The following BMAL1 variants were observed in gnomAD, a reference collection of about 807,000 sequenced individuals.
BMAL1 encodes the protein basic helix-loop-helix ARNT like 1, also known as basic helix-loop-helix ARNT-like protein 1.
At chr11:13,309,892 C>G in the BMAL1 span, 1 of 152,534 alleles carries the variant, frequency 6.6e-6, no homozygotes. Flanking sequence ...ATTTTCTAGG[C>G]AAAGAAGCAG....
At chr11:13,300,412 T>C in the BMAL1 span, among the ~76,000 whole-genome samples, 2 of 152,230 alleles carry the variant, frequency 1.3e-5, no homozygotes, top group Non-Finnish European at 2.9e-5. Flanking sequence ...ATAAAAAATT[T>C]ACTTAAAATG....
chr11:13,328,726 G>A, the BMAL1 span, among the ~76,000 whole-genome samples: 1 of 152,176 alleles, frequency 6.6e-6, no homozygotes, highest in Non-Finnish European at 1.5e-5. Context: ...CTGATGAGCA[G>A]TTTTTCCTCC....
At chr11:13,372,367 C>G in the BMAL1 span, 1 of 1,614,158 alleles carries the variant, frequency 6.2e-7, no homozygotes, top group Non-Finnish European at 8.5e-7. Flanking sequence ...GAATATGTTT[C>G]TCGGCACGCG....
chr11:13,279,711 C>G, the BMAL1 span, among the ~76,000 whole-genome samples: 1 of 152,196 alleles, frequency 6.6e-6, no homozygotes. Flanking sequence ...GTCTTTAACG[C>G]AGCTTATAGA....
At chr11:13,285,680 T>C in the BMAL1 span, among the ~76,000 whole-genome samples, 6 of 152,182 alleles carry the variant, frequency 3.9e-5, no homozygotes, top group Non-Finnish European at 7.3e-5. Context: ...ATGAGCTGCT[T>C]GTGTACAGAT....
chr11:13,382,098 G>A, the BMAL1 span, among the ~76,000 whole-genome samples: 1 of 152,184 alleles, frequency 6.6e-6, no homozygotes, highest in Non-Finnish European at 1.5e-5. Flanking sequence ...GTTACCAAGA[G>A]CTGTGGTGTT....
At chr11:13,364,004 G>A in the BMAL1 span, among the ~76,000 whole-genome samples, 4 of 152,254 alleles carry the variant, frequency 2.6e-5, no homozygotes, top group African/African-American at 4.8e-5. Flanking sequence ...CTGTGTTGTC[G>A]GTTCAGGCCT....
At chr11:13,336,031 A>G in the BMAL1 span, among the ~76,000 whole-genome samples, 1 of 152,238 alleles carries the variant, frequency 6.6e-6, no homozygotes, top group South Asian at 2.1e-4. Flanking sequence ...GCATGCATGC[A>G]CATGCTTACA....
chr11:13,321,778 ATTG>A, the BMAL1 span, among the ~76,000 whole-genome samples: 2 of 152,078 alleles, frequency 1.3e-5, no homozygotes, highest in Non-Finnish European at 2.9e-5. Flanking sequence ...GGTAGATTAG[ATTG>A]TTAACTTTTC....
chr11:13,371,074 T>C, the BMAL1 span, among the ~76,000 whole-genome samples: 1 of 152,210 alleles, frequency 6.6e-6, no homozygotes, highest in Non-Finnish European at 1.5e-5. Context: ...GTGCGATTAT[T>C]TGTTTAAAGT....
the BMAL1 span, among the ~76,000 whole-genome samples, chr11:13,303,376 T>A: frequency 6.6e-6 from 1 of 152,180 alleles, no homozygotes; most frequent in Non-Finnish European, 1.5e-5. Context: ...ATATAATAAA[T>A]GACATATACA....
At chr11:13,287,064 G>A in the BMAL1 span, among the ~76,000 whole-genome samples, 1 of 152,294 alleles carries the variant, frequency 6.6e-6, no homozygotes, top group South Asian at 2.1e-4. Context: ...GTGGTGAAAA[G>A]TACCTGATCC....
At chr11:13,315,026 T>A in the BMAL1 span, among the ~76,000 whole-genome samples, 5 of 152,132 alleles carry the variant, frequency 3.3e-5, no homozygotes, top group African/African-American at 7.3e-5. Context: ...TCACTTCCTA[T>A]CTCTGCCAGA....
chr11:13,378,181 C>A, the BMAL1 span: 2 of 664,372 alleles, frequency 3.0e-6, no homozygotes, highest in Non-Finnish European at 1.9e-6. Context: ...TGCTGGAATG[C>A]CTTTTCCTGA....
the BMAL1 span, among the ~76,000 whole-genome samples, chr11:13,329,249 C>A: frequency 6.6e-6 from 1 of 152,194 alleles, no homozygotes; most frequent in East Asian, 1.9e-4. Context: ...GAGCTCAATG[C>A]TTTGTGACCC....
chr11:13,365,846 C>T, the BMAL1 span, among the ~76,000 whole-genome samples: 1 of 152,128 alleles, frequency 6.6e-6, no homozygotes, highest in Admixed American at 6.5e-5. Context: ...ATAAATATCC[C>T]ACAATATGTG....
the BMAL1 span, among the ~76,000 whole-genome samples, chr11:13,339,366 A>AGTCATAGC: frequency 1.3e-5 from 2 of 151,676 alleles, no homozygotes; most frequent in Non-Finnish European, 2.9e-5. Flanking sequence ...CAGAGGGCTG[A>AGTCATAGC]GTCATAGCAT....
At chr11:13,302,996 A>G in the BMAL1 span, among the ~76,000 whole-genome samples, 397 of 152,312 alleles carry the variant, frequency 2.6e-3, 4 homozygotes, top group Non-Finnish European at 3.4e-3. Flanking sequence ...CTGATTAACA[A>G]TAGCAGTCAT....
At chr11:13,288,429 T>TTTTC in the BMAL1 span, among the ~76,000 whole-genome samples, 7 of 104,760 alleles carry the variant, frequency 6.7e-5, no homozygotes, top group Admixed American at 6.8e-4. Flanking sequence ...TTTTTCTTTT[T>TTTTC]TTTTTTTTTG....
Sources: gnomAD v4.1 joint callset for allele counts (sites outside exome capture counted in the v4.1 genomes callset) on GRCh38, gnomAD v4.1.1 for gene constraint, MANE v1.5 for transcripts, NCBI Gene and HGNC (gene_info 2026-07-23, HGNC 2026-07-21) for gene names.